IMMP2L: variants seen among roughly 807,000 people sequenced by gnomAD.
IMMP2L encodes the protein mitochondrial inner membrane protease subunit 2.
In IMMP2L, 18 loss-of-function variants were observed where a neutral mutation model predicts 19.3. The observed-to-expected ratio is 0.93, with a 90% CI of 0.64 to 1.38. The LOEUF is 1.38. Among genes scored for constraint, IMMP2L ranks in the 40% most tolerant of loss-of-function variants. The pLI is 0.00. For synonymous variants in IMMP2L, 76 were observed against 73.0 expected, an observed-to-expected ratio of 1.04 and a Z score of -0.21; for missense variants, 233 against 218.2, an observed-to-expected ratio of 1.07 and a Z score of -0.43.
intron 5 of IMMP2L, among the ~76,000 whole-genome samples, chr7:110,734,260 G>A (rs916177582): frequency 2.0e-5 from 3 of 152,190 alleles, no homozygotes; most frequent in Non-Finnish European, 4.4e-5. Flanking sequence ...GGTAGAAATA[G>A]ACAGTAAAGG....
intron 3 of IMMP2L, among the ~76,000 whole-genome samples, chr7:111,437,370 G>A (rs1187620021): frequency 4.0e-5 from 6 of 151,788 alleles, no homozygotes; most frequent in South Asian, 2.1e-4. Context: ...GCTTGAACCC[G>A]GGAGACAGAG....
chr7:111,345,305 C>T (rs903491748), intron 3 of IMMP2L, among the ~76,000 whole-genome samples: 3 of 152,064 alleles, frequency 2.0e-5, no homozygotes, highest in African/African-American at 7.2e-5. Flanking sequence ...GAAAGCTCAA[C>T]ATGATCAGGT....
chr7:110,923,659 A>C (rs2190530), intron 4 of IMMP2L, among the ~76,000 whole-genome samples: 20,460 of 152,162 alleles, frequency 0.13, 2,567 homozygotes, highest in African/African-American at 0.33. Flanking sequence ...AAAATCTATC[A>C]AATATACTTT....
intron 2 of IMMP2L, among the ~76,000 whole-genome samples, chr7:111,490,214 T>A (rs1224694967): frequency 2.6e-5 from 4 of 151,204 alleles, no homozygotes; most frequent in African/African-American, 9.7e-5. Context: ...CAGTTCCAGT[T>A]CCCAGGTAGC....
chr7:111,109,121 C>T (rs964851624), intron 3 of IMMP2L, among the ~76,000 whole-genome samples: 1 of 151,920 alleles, frequency 6.6e-6, no homozygotes. Flanking sequence ...TAAGGTGGTC[C>T]GTAAATAAGG....
chr7:111,154,079 C>T (rs964930010), intron 3 of IMMP2L, among the ~76,000 whole-genome samples: 2 of 151,998 alleles, frequency 1.3e-5, no homozygotes, highest in African/African-American at 4.8e-5. Context: ...GAAAGGATCC[C>T]CACTAATTTC....
At chr7:110,737,458 G>T (rs1456900859) in intron 5 of IMMP2L, among the ~76,000 whole-genome samples, 16 of 152,136 alleles carry the variant, frequency 1.1e-4, no homozygotes, top group Non-Finnish European at 2.2e-4. Context: ...ATCCTTCTGG[G>T]AATATAACTG....
At chr7:110,886,912 G>C (rs898400798) in intron 4 of IMMP2L, among the ~76,000 whole-genome samples, 2 of 151,992 alleles carry the variant, frequency 1.3e-5, no homozygotes, top group African/African-American at 2.4e-5. Context: ...TAAGAATTTT[G>C]TGCTTAGATG....
chr7:111,178,938 G>T (rs1807389134), intron 3 of IMMP2L, among the ~76,000 whole-genome samples: 1 of 151,812 alleles, frequency 6.6e-6, no homozygotes, highest in African/African-American at 2.4e-5. Context: ...TGTTCTTAAT[G>T]GCATCTAGAA....
intron 3 of IMMP2L, among the ~76,000 whole-genome samples, chr7:111,453,685 T>C (rs1367029407): frequency 2.0e-5 from 3 of 152,126 alleles, no homozygotes; most frequent in Non-Finnish European, 2.9e-5. Context: ...GAAGGATGAT[T>C]TTGGGAAGTC....
intron 4 of IMMP2L, among the ~76,000 whole-genome samples, chr7:110,889,965 T>C (rs1810626430): frequency 1.3e-5 from 2 of 152,202 alleles, no homozygotes; most frequent in African/African-American, 4.8e-5. Context: ...TTCTGATGTA[T>C]AGTCAGAACC....
intron 3 of IMMP2L, chr7:111,124,210 A>T (rs1393241769): frequency 1.2e-6 from 2 of 1,613,928 alleles, no homozygotes; most frequent in South Asian, 2.2e-5. Context: ...TTCTGAGGGA[A>T]CACTAGATAT....
intron 3 of IMMP2L, among the ~76,000 whole-genome samples, chr7:111,030,041 T>C (rs528459580): frequency 6.6e-6 from 1 of 152,254 alleles, no homozygotes; most frequent in South Asian, 2.1e-4. Flanking sequence ...AAGTTCCTGA[T>C]TCTTTCCAGA....
At chr7:111,221,606 G>A (rs981510147) in intron 3 of IMMP2L, among the ~76,000 whole-genome samples, 7 of 151,910 alleles carry the variant, frequency 4.6e-5, no homozygotes, top group Admixed American at 2.0e-4. Flanking sequence ...ACATTACGGG[G>A]AAAATTATAA....
At chr7:111,260,963 T>A (rs932250161) in intron 3 of IMMP2L, among the ~76,000 whole-genome samples, 1 of 152,032 alleles carries the variant, frequency 6.6e-6, no homozygotes, top group Non-Finnish European at 1.5e-5. Context: ...AAAAACATGA[T>A]GTTTGAAATG....
rs373074507 is a variant in IMMP2L, at chr7:111,397,139, T to A, written c.239+90099A>T. On this transcript the variant is annotated intron_variant, in intron 3 of 5. Coordinates refer to ENST00000405709, the MANE Select transcript of IMMP2L (RefSeq NM_032549.4). ...TATAAGAAAATAAAATCACTTATAA[T>A]AGACATATTTCCAATATTTACATTC... 1.8e-4 allele frequency among the ~76,000 whole-genome samples: 27 copies of A among 152,088 alleles called. No individual in the cohort carries two copies. In the South Asian group the frequency reaches 1.9e-3, roughly 11 times the overall value.
chr7:111,068,096 T>A (rs1794660566), intron 3 of IMMP2L, among the ~76,000 whole-genome samples: 1 of 152,040 alleles, frequency 6.6e-6, no homozygotes. Flanking sequence ...TGTAGATCAA[T>A]TAACAGTGGT....
At chr7:111,308,569 AC>A (rs1391684981) in intron 3 of IMMP2L, among the ~76,000 whole-genome samples, 26 of 152,002 alleles carry the variant, frequency 1.7e-4, no homozygotes, top group Middle Eastern at 3.2e-3. Context: ...CAGACAGTGA[AC>A]TACTACAATT....
chr7:111,025,818 TTCTGTTTTAACATTGTTTTAAA>T (rs1300700478), intron 3 of IMMP2L, among the ~76,000 whole-genome samples: 2 of 152,232 alleles, frequency 1.3e-5, no homozygotes, highest in African/African-American at 4.8e-5. Flanking sequence ...TTTTAACTAA[TTCTGTTTTAACATTGTTTTAAA>T]TCTGTTTTAA....
Sources: gnomAD v4.1 joint callset for allele counts (sites outside exome capture counted in the v4.1 genomes callset) on GRCh38, gnomAD v4.1.1 for gene constraint, MANE v1.5 for transcripts, NCBI Gene and HGNC (gene_info 2026-07-23, HGNC 2026-07-21) for gene names.